SNTG1: variants seen among roughly 807,000 people sequenced by gnomAD.
SNTG1 encodes the protein gamma-1-syntrophin.
SNTG1 carries 39 observed loss-of-function variants against 74.7 expected under a neutral mutation model. That is an observed-to-expected ratio of 0.52 (90% CI 0.40 to 0.68). SNTG1 has a LOEUF of 0.68. SNTG1 is among the 30% of genes least tolerant of loss of function. The pLI, the probability that SNTG1 is intolerant of heterozygous loss-of-function variation, is 0.00. For synonymous variants in SNTG1, 254 were observed against 217.1 expected, an observed-to-expected ratio of 1.17 and a Z score of -1.49; for missense variants, 685 against 609.5, an observed-to-expected ratio of 1.12 and a Z score of -1.30.
In SNTG1 at chr8:50,557,130, G is replaced by T. The variant is rs148458346; in HGVS notation, c.810+3951G>T. 5.3e-3 allele frequency among the ~76,000 whole-genome samples: 809 copies of T among 151,538 alleles called. 7 individuals carry two copies. The highest frequency in any genetic ancestry group is 0.018 in the African/African-American group (756 of 41,294). ...GGGGTGGGCAAGGAGGCTGGGCCCA[G>T]CATGCACCCCCACTTCTTTAGGGGC... is the stretch of plus-strand genomic sequence containing the variant. On this transcript the variant is annotated intron_variant, in intron 12 of 18. Transcript: ENST00000642720.
In SNTG1 at chr8:50,710,330, A is replaced by C. The variant is rs541744425; in HGVS notation, c.1284+1352A>C. On this transcript the variant is annotated intron_variant, in intron 17 of 18. Transcript: ENST00000642720. ...CTGCCATAAACTATTCCTATTACTA[A>C]AGTTTTTTTTATTAAAATGTTCATC... Among the ~76,000 whole-genome samples the C allele has an allele frequency of 3.9e-3, 587 of 152,168 alleles. 6 individuals are homozygous for C. Among genetic ancestry groups the C allele is most frequent in the Non-Finnish European group, 6.1e-3 (414 of 67,994 alleles).
At chr8:50,331,108 CAT>C (rs1030326344) in intron 2 of SNTG1, among the ~76,000 whole-genome samples, 9 of 151,948 alleles carry the variant, frequency 5.9e-5, no homozygotes, top group Admixed American at 1.3e-4. Context: ...AGGTATTTAT[CAT>C]GTGTGTGTGT....
intron 15 of SNTG1, among the ~76,000 whole-genome samples, chr8:50,684,141 T>C (rs997633731): frequency 6.6e-6 from 1 of 152,186 alleles, no homozygotes; most frequent in African/African-American, 2.4e-5. Flanking sequence ...TTCCTACTGT[T>C]TGTGACCCTC....
At position 49,929,317 on chromosome 8, in the gene SNTG1, T is replaced by C. The variant is rs112874746; in HGVS notation, c.-103+17086T>C. Among the ~76,000 whole-genome samples the C allele has an allele frequency of 8.7e-4, 132 of 152,352 alleles. 1 individual carries two copies. Among genetic ancestry groups the C allele is most frequent in the African/African-American group, 3.1e-3 (128 of 41,578 alleles). On this transcript the variant is annotated intron_variant, in intron 1 of 18. Transcript: ENST00000642720. ...ACATGATAAAGGCCAGTGACTCATC[T>C]GAATCTCTTCCTAAATATGCAGCCA... is the stretch of plus-strand genomic sequence containing the variant.
intron 18 of SNTG1, among the ~76,000 whole-genome samples, chr8:50,791,863 A>C (rs1206298553): frequency 6.6e-6 from 1 of 151,938 alleles, no homozygotes; most frequent in East Asian, 1.9e-4. Context: ...TTTAATAATA[A>C]TACTAGCAAC....
At chr8:50,550,004 A>G (rs2130571403) in intron 11 of SNTG1, among the ~76,000 whole-genome samples, 1 of 152,290 alleles carries the variant, frequency 6.6e-6, no homozygotes, top group East Asian at 1.9e-4. Context: ...TCCTTATTAA[A>G]TCTGTAAATT....
At chr8:50,070,276 A>G (rs1019107529) in intron 1 of SNTG1, among the ~76,000 whole-genome samples, 1 of 152,220 alleles carries the variant, frequency 6.6e-6, no homozygotes, top group African/African-American at 2.4e-5. Flanking sequence ...GTCTTTTTGA[A>G]AATCGAGATT....
chr8:50,492,403 T>A (rs1484642741), intron 8 of SNTG1, among the ~76,000 whole-genome samples: 2 of 152,214 alleles, frequency 1.3e-5, no homozygotes, highest in Admixed American at 6.5e-5. Flanking sequence ...CGGCATCTGT[T>A]GTTTCCTGAA....
intron 1 of SNTG1, among the ~76,000 whole-genome samples, chr8:50,007,378 G>A (rs1239480014): frequency 6.6e-6 from 1 of 151,896 alleles, no homozygotes; most frequent in South Asian, 2.1e-4. Flanking sequence ...GTCTATAGTT[G>A]AGCTTGTGGG....
intron 1 of SNTG1, among the ~76,000 whole-genome samples, chr8:49,938,557 G>GTTTTCTTTTCTTTTGTTTTCTTTTC (rs1563370596): frequency 1.5e-4 from 19 of 127,266 alleles, no homozygotes; most frequent in African/African-American, 4.1e-4. Flanking sequence ...CTTTTCTTTT[G>GTTTTCTTTTCTTTTGTTTTCTTTTC]TTTTCTTTTC....
At chr8:50,290,881 C>G (rs1036641827) in intron 2 of SNTG1, among the ~76,000 whole-genome samples, 3 of 151,968 alleles carry the variant, frequency 2.0e-5, no homozygotes, top group Non-Finnish European at 2.9e-5. Flanking sequence ...CTTCAGCCCC[C>G]CAAGTAGCTG....
intron 17 of SNTG1, among the ~76,000 whole-genome samples, chr8:50,728,774 C>T (rs1006807616): frequency 1.3e-5 from 2 of 152,094 alleles, no homozygotes; most frequent in African/African-American, 4.8e-5. Context: ...GGGGCTTTTT[C>T]CTCGGACCCC....
At chr8:50,376,715 T>G (rs982895525) in intron 2 of SNTG1, among the ~76,000 whole-genome samples, 16 of 124,024 alleles carry the variant, frequency 1.3e-4, no homozygotes, top group African/African-American at 4.7e-4. Context: ...TATTATATAT[T>G]TAATATTAAT....
chr8:50,059,314 T>C (rs772107585), intron 1 of SNTG1, among the ~76,000 whole-genome samples: 1 of 152,140 alleles, frequency 6.6e-6, no homozygotes, highest in Non-Finnish European at 1.5e-5. Flanking sequence ...TTAGGTCAAT[T>C]TTGTTGTTGT....
intron 1 of SNTG1, among the ~76,000 whole-genome samples, chr8:50,127,900 C>T (rs1020061483): frequency 2.6e-5 from 4 of 152,080 alleles, no homozygotes; most frequent in Admixed American, 2.6e-4. Flanking sequence ...AGCCACACAC[C>T]ACTGCATTAA....
At chr8:50,093,991 T>A (rs2079838449) in intron 1 of SNTG1, among the ~76,000 whole-genome samples, 1 of 152,202 alleles carries the variant, frequency 6.6e-6, no homozygotes, top group Non-Finnish European at 1.5e-5. Flanking sequence ...AAAAGCCATC[T>A]GTCTATGTGT....
Position 50,381,701 on chromosome 8 carries a change from T to TTA in SNTG1, c.-27-12498_-27-12497dup, listed in dbSNP as rs566460561. On this transcript the variant is annotated intron_variant, in intron 2 of 18. Transcript: ENST00000642720. ...ATATAGGATATATATATCCTATTAG[T>TTA]TATATATATATATAGGATATATATA... Among the ~76,000 whole-genome samples, 28 of 136,278 alleles carry TTA rather than the reference T, an allele frequency of 2.1e-4. No homozygotes were observed. In the East Asian group the frequency reaches 3.0e-3, roughly 15 times the overall value. 89.4% of individuals were successfully genotyped at this position (136,278 alleles called of 152,430 possible).
At chr8:49,931,762 A>G (rs949219790) in intron 1 of SNTG1, among the ~76,000 whole-genome samples, 1 of 152,224 alleles carries the variant, frequency 6.6e-6, no homozygotes, top group Non-Finnish European at 1.5e-5. Context: ...CAATCACAAT[A>G]CTGAGTGAAT....
chr8:50,038,279 G>A (rs373874307), intron 1 of SNTG1, among the ~76,000 whole-genome samples: 8 of 152,248 alleles, frequency 5.3e-5, no homozygotes, highest in South Asian at 2.1e-4. Context: ...TGGACTAATC[G>A]TAGATGTGTA....
Sources: gnomAD v4.1 joint callset for allele counts (sites outside exome capture counted in the v4.1 genomes callset) on GRCh38, gnomAD v4.1.1 for gene constraint, MANE v1.5 for transcripts, NCBI Gene and HGNC (gene_info 2026-07-23, HGNC 2026-07-21) for gene names.